The following DNAJC13 variants were observed in gnomAD, a reference collection of about 807,000 sequenced individuals.
The protein encoded by DNAJC13 is DnaJ heat shock protein family (Hsp40) member C13, also known as dnaJ homolog subfamily C member 13.
A neutral mutation model predicts 290.5 loss-of-function variants in DNAJC13; 75 were observed. That is an observed-to-expected ratio of 0.26 (90% confidence interval 0.21 to 0.31). DNAJC13 has a LOEUF of 0.31. Ranked by LOEUF, DNAJC13 falls within the 10% of genes least tolerant of loss-of-function variation. The pLI, the probability that DNAJC13 is intolerant of heterozygous loss-of-function variation, is 1.00. For missense variants in DNAJC13, 2,260 were observed against 2,674.5 expected (o/e 0.85, Z 3.42); for synonymous variants, 862 against 892.0 (o/e 0.97, Z 0.60).
chr3:132,507,753 C>T (rs1221124450), intron 43 of DNAJC13, among the ~76,000 whole-genome samples: 1 of 152,164 alleles, frequency 6.6e-6, no homozygotes, highest in African/African-American at 2.4e-5. Context: ...ATTCCTTGGT[C>T]TCCCTCTCCT....
intron 40 of DNAJC13, 71 bp downstream of exon 40, chr3:132,502,539 A>G: frequency 7.5e-7 from 1 of 1,332,884 alleles, no homozygotes; most frequent in African/African-American, 1.5e-5. Context: ...AATCCAAACC[A>G]AAGCTGCTAT....
chr3:132,501,047 A>AT lies in DNAJC13; in HGVS notation c.4536+139dup. 6.0e-6 allele frequency: 7 copies of AT among 1,175,934 alleles called. No homozygotes were observed. The Admixed American group carries it at 1.4e-4, about 23-fold the overall frequency. The allele number at this position is 1,175,934 out of a possible 1,614,324, so 72.8% of individuals were successfully genotyped here. ...TAAAATTATTTGGATTTCTAAAAGCATTTTTCACAGAAGCCTTGCTGTAAA... is the reference window on the plus strand; with the variant it reads ...TAAAATTATTTGGATTTCTAAAAGCATTTTTTCACAGAAGCCTTGCTGTAAA... On this transcript the variant is annotated intron_variant, in intron 39 of 55. Transcript: ENST00000260818.
At chr3:132,476,221 A>G (rs868609064) in intron 22 of DNAJC13, among the ~76,000 whole-genome samples, 7 of 152,256 alleles carry the variant, frequency 4.6e-5, no homozygotes, top group African/African-American at 1.4e-4. Context: ...TCATACTTCT[A>G]TCTCATAATT....
chr3:132,528,431 T>C, intron 54 of DNAJC13, 99 bp downstream of exon 54: 2 of 1,423,558 alleles, frequency 1.4e-6, no homozygotes, highest in Non-Finnish European at 1.9e-6. Flanking sequence ...ACAGATATGG[T>C]TCTGTTGGTT....
intron 2 of DNAJC13, among the ~76,000 whole-genome samples, chr3:132,444,019 T>C (rs1459068993): frequency 6.6e-6 from 1 of 152,214 alleles, no homozygotes; most frequent in Non-Finnish European, 1.5e-5. Context: ...TGCTACCTTA[T>C]TGCAGGGGCC....
chr3:132,460,979 CATT>C lies in DNAJC13; in HGVS notation c.1558-67_1558-65del, dbSNP rs1436736996. Reference sequence around the variant, plus strand: ...ACATATAGAATAACAGAAAGGAACACATTATTGTTAAAATTTAACTGAAGGTCC... The same window carrying C: ...ACATATAGAATAACAGAAAGGAACACATTGTTAAAATTTAACTGAAGGTCC... On this transcript the variant is annotated intron_variant, in intron 14 of 55. Transcript: ENST00000260818. The C allele has an allele frequency of 2.1e-6, 3 of 1,401,440 alleles. No homozygotes were observed. In the African/African-American group the frequency reaches 4.3e-5, roughly 20 times the overall value. The allele number at this position is 1,401,440 out of a possible 1,614,324, so 86.8% of individuals were successfully genotyped here.
intron 43 of DNAJC13, among the ~76,000 whole-genome samples, chr3:132,508,335 TA>T (rs1462343571): frequency 2.6e-5 from 4 of 152,234 alleles, no homozygotes; most frequent in African/African-American, 9.6e-5. Flanking sequence ...TTAGCTAAGA[TA>T]ATTGAAGGTC....
chr3:132,471,450 G>C (rs1184262822), intron 20 of DNAJC13, among the ~76,000 whole-genome samples: 1 of 141,496 alleles, frequency 7.1e-6, no homozygotes, highest in Non-Finnish European at 1.6e-5. Flanking sequence ...CTTCTCAGAC[G>C]GGGCAGCTGC....
At chr3:132,418,257 G>A (rs956853836) in intron 1 of DNAJC13, among the ~76,000 whole-genome samples, 1 of 152,168 alleles carries the variant, frequency 6.6e-6, no homozygotes, top group East Asian at 1.9e-4. Context: ...CTGTTCTCCA[G>A]TACTTTTTCT....
At chr3:132,476,030 C>G (rs1341013882) in intron 22 of DNAJC13, among the ~76,000 whole-genome samples, 1 of 152,158 alleles carries the variant, frequency 6.6e-6, no homozygotes, top group Non-Finnish European at 1.5e-5. Context: ...GCCTCATTGG[C>G]TCAAGCAATC....
At chr3:132,448,357 C>CT (rs1933319978) in intron 5 of DNAJC13, among the ~76,000 whole-genome samples, 2 of 152,162 alleles carry the variant, frequency 1.3e-5, no homozygotes, top group South Asian at 4.1e-4. Context: ...AAACTGTCTT[C>CT]TTACATGTTC....
intron 26 of DNAJC13, among the ~76,000 whole-genome samples, chr3:132,481,454 A>T (rs1934669846): frequency 6.6e-6 from 1 of 152,094 alleles, no homozygotes; most frequent in Non-Finnish European, 1.5e-5. Flanking sequence ...GGTGGCACAC[A>T]CCTGTAGTCC....
rs371535590 is a variant in DNAJC13, at chr3:132,448,152, GA to G, written c.336+220del. ...GAATGTTGATACTGGTAGATGGGGGGAAAAAAAGGCAAAAAAACCTTTGGAG... is the reference window on the plus strand; with the variant it reads ...GAATGTTGATACTGGTAGATGGGGGGAAAAAAGGCAAAAAAACCTTTGGAG... On this transcript the variant is annotated intron_variant, in intron 5 of 55. Coordinates refer to ENST00000260818, the MANE Select transcript of DNAJC13 (RefSeq NM_015268.4). Among the ~76,000 whole-genome samples the G allele has an allele frequency of 6.0e-4, 91 of 151,998 alleles. No individual in the cohort carries two copies. In the South Asian group the frequency reaches 0.011, roughly 18 times the overall value.
intron 24 of DNAJC13, 108 bp from the exon 25 acceptor site, chr3:132,479,119 A>G (rs2107693327): frequency 1.7e-6 from 1 of 596,172 alleles, no homozygotes; most frequent in African/African-American, 1.9e-5. Flanking sequence ...TAATGTTTAT[A>G]AAATGGCATT....
intron 44 of DNAJC13, among the ~76,000 whole-genome samples, chr3:132,512,400 T>A (rs1281492227): frequency 2.0e-5 from 3 of 152,102 alleles, no homozygotes; most frequent in African/African-American, 7.2e-5. Context: ...ATCTTAAGAA[T>A]CCTCAAAAGA....
chr3:132,510,680 G>A (rs1935749534), intron 43 of DNAJC13, among the ~76,000 whole-genome samples: 1 of 152,200 alleles, frequency 6.6e-6, no homozygotes. Context: ...CTATTAAGCA[G>A]AATGAGTTAA....
At chr3:132,433,574 G>A (rs1170957383) in intron 1 of DNAJC13, among the ~76,000 whole-genome samples, 3 of 152,134 alleles carry the variant, frequency 2.0e-5, no homozygotes, top group Admixed American at 6.5e-5. Flanking sequence ...CTGTGCCAGC[G>A]AGAAAATTAT....
intron 44 of DNAJC13, among the ~76,000 whole-genome samples, chr3:132,512,522 C>T (rs1935807651): frequency 6.6e-6 from 1 of 151,984 alleles, no homozygotes; most frequent in Non-Finnish European, 1.5e-5. Context: ...ATGGAAATAC[C>T]ATTTCATTTT....
rs1935044900 is a variant in DNAJC13, at chr3:132,491,062, A to G, written c.3623+11A>G. The G allele has an allele frequency of 1.3e-6, 2 of 1,584,374 alleles. No homozygotes were observed. Among genetic ancestry groups the G allele is most frequent in the Non-Finnish European group, 1.7e-6 (2 of 1,169,094 alleles). On this transcript the variant is annotated intron_variant, in intron 32 of 55. Transcript: ENST00000260818. ...GAGCAGTGAAATGAGGTAAATAACCAGTTGACTGATTGATTTGTATTTTAT... is the reference window on the plus strand; with the variant it reads ...GAGCAGTGAAATGAGGTAAATAACCGGTTGACTGATTGATTTGTATTTTAT...
Sources: gnomAD v4.1 joint callset for allele counts (sites outside exome capture counted in the v4.1 genomes callset) on GRCh38, gnomAD v4.1.1 for gene constraint, MANE v1.5 for transcripts, NCBI Gene and HGNC (gene_info 2026-07-23, HGNC 2026-07-21) for gene names.